STAB1: variants seen among roughly 807,000 people sequenced by gnomAD.
STAB1 encodes the protein stabilin-1.
Under a neutral mutation model 332.4 loss-of-function variants are expected in STAB1, and 250 were observed. That is an observed-to-expected ratio of 0.75 (90% CI 0.68 to 0.84). STAB1 has a LOEUF of 0.84. STAB1 is among the 40% of genes least tolerant of loss of function. The probability of loss-of-function intolerance (pLI) is 0.00; values close to 1 mark genes in which losing one functional copy is unlikely to be tolerated. For missense variants in STAB1, 3,249 were observed against 3,489.7 expected, an observed-to-expected ratio of 0.93 and a Z score of 1.74; for synonymous variants, 1,475 against 1,390.4, an observed-to-expected ratio of 1.06 and a Z score of -1.35.
chr3:52,518,904 C>A, intron 48 of STAB1, 35 bp downstream of exon 48: 1 of 1,423,506 alleles, frequency 7.0e-7, no homozygotes, highest in Non-Finnish European at 9.3e-7. Context: ...CGCTCCATCC[C>A]GCCCCGCCCC....
chr3:52,503,207 G>C (rs1708582146), intron 7 of STAB1, 98 bp downstream of exon 7: 1 of 1,494,328 alleles, frequency 6.7e-7, no homozygotes, highest in South Asian at 1.2e-5. Context: ...TTCACAAGGA[G>C]GGAGAGCCAT....
chr3:52,514,089 A>G, intron 32 of STAB1, 26 bp from the exon 33 acceptor site: 1 of 1,611,640 alleles, frequency 6.2e-7, no homozygotes, highest in Non-Finnish European at 8.5e-7. Flanking sequence ...TAATATGCCC[A>G]TCCCTGACCT....
At chr3:52,502,555 A>T in intron 5 of STAB1, 77 bp from the exon 6 acceptor site, 1 of 1,318,878 alleles carries the variant, frequency 7.6e-7, no homozygotes, top group Non-Finnish European at 1.1e-6. Flanking sequence ...CTAAAAATAC[A>T]GAGAGCAGGG....
chr3:52,517,212 G>T, intron 42 of STAB1, 103 bp downstream of exon 42: 2 of 1,501,836 alleles, frequency 1.3e-6, no homozygotes, highest in Non-Finnish European at 1.8e-6. Flanking sequence ...GGACTTGTGG[G>T]GACTGGGGGC....
chr3:52,499,075 C>A (rs1367653972), intron 1 of STAB1, among the ~76,000 whole-genome samples: 2 of 152,202 alleles, frequency 1.3e-5, no homozygotes, highest in Non-Finnish European at 1.5e-5. Context: ...GTAAATTATT[C>A]CAGGAAAGGG....
At position 52,521,819 on chromosome 3, in the gene STAB1, C is replaced by T. The variant is rs78719392; in HGVS notation, c.6164-25C>T. On this transcript the variant is annotated intron_variant, in intron 57 of 68. Transcript: ENST00000321725. ...CAGGAAGGCAACTACTAACCTGGTTCTGGGGGCTGGGCCCTGGGGGACAGA... is the reference window on the plus strand; with the variant it reads ...CAGGAAGGCAACTACTAACCTGGTTTTGGGGGCTGGGCCCTGGGGGACAGA... 4.8e-5 allele frequency: 77 copies of T among 1,592,770 alleles called. No individual in the cohort carries two copies. The East Asian group carries it at 1.6e-3, about 32-fold the overall frequency.
In STAB1 at chr3:52,501,205, A is replaced by C; in HGVS notation, c.118A>C (p.Thr40Pro). 6.2e-7 allele frequency: 1 copy of C among 1,613,492 alleles called. No homozygotes were observed. Among genetic ancestry groups the C allele is most frequent in the Non-Finnish European group, 8.5e-7 (1 of 1,179,870 alleles). The change falls in exon 2 of 69, where the codon ACT becomes CCT. Residue 40 changes from threonine to proline, a missense_variant. By Grantham distance (38) the Thr-to-Pro change is conservative. Coordinates refer to ENST00000321725, the MANE Select transcript of STAB1 (RefSeq NM_015136.3). ...CTGTGATGTGAAAACCACGTTTGTC[A>C]CTCATGTACCCTGCACCTCGTGCGC... ...KGCDVKTTFV[T>P]HVPCTSCAAI...
rs1707937389 is a variant in STAB1, at chr3:52,495,488, G to A, written c.75G>A (p.Gly25=). 4 of 1,339,900 alleles carry A rather than the reference G, an allele frequency of 3.0e-6. No homozygotes were observed. The highest frequency in any genetic ancestry group is 1.5e-5 in the African/African-American group (1 of 66,566). The allele number at this position is 1,339,900 out of a possible 1,614,324, so 83.0% of individuals were successfully genotyped here. A position where few individuals can be genotyped will look rare whatever the true frequency, so the allele number is the denominator to read the frequency against. The change falls in exon 1 of 69, where the codon GGG becomes GGA. Residue 25 remains glycine, a synonymous_variant. Transcript: ENST00000321725. The part of the protein sequence containing the change: ...FCLAGFSFVR[G]QVLFKGCDVK... ...TGGCAGGCTTCAGCTTCGTCAGGGG[G>A]CAGGTAAGTGTGAGCCAGTCGCAGG...
At chr3:52,518,149 C>A in intron 45 of STAB1, 146 bp downstream of exon 45, 3 of 1,483,298 alleles carry the variant, frequency 2.0e-6, no homozygotes, top group East Asian at 2.3e-5. Context: ...CTGGGCCTGA[C>A]CCCAGCTATG....
Position 52,518,929 on chromosome 3 carries a change from TTG to T in STAB1, c.5034+61_5034+62del. 2.6e-5 allele frequency: 10 copies of T among 379,148 alleles called. No individual in the cohort carries two copies. The African/African-American group carries it at 7.0e-4, about 27-fold the overall frequency. The allele number at this position is 379,148 out of a possible 1,614,324, so 23.5% of individuals were successfully genotyped here. ...CGCCCCGCCCCGCCCCTGCGCGCCA[TTG>T]CCCCAGGCCCCACGGCCCACGCAGT... On this transcript the variant is annotated intron_variant, in intron 48 of 68. Transcript: ENST00000321725.
chr3:52,496,798 G>A (rs1273760904), intron 1 of STAB1, among the ~76,000 whole-genome samples: 1 of 152,178 alleles, frequency 6.6e-6, no homozygotes, highest in African/African-American at 2.4e-5. Context: ...AGAGACCTAT[G>A]GCTCTGACCA....
Position 52,520,882 on chromosome 3 carries a change from G to A in STAB1, c.5785G>A (p.Val1929Ile), listed in dbSNP as rs373901466. The A allele has an allele frequency of 4.6e-5, 74 of 1,612,078 alleles. No homozygotes were observed. Among genetic ancestry groups the A allele is most frequent in the African/African-American group, 3.3e-4 (25 of 75,070 alleles). ...PPLHSLGLRS[V>I]WVHPSLWGRP... is the part of the protein sequence containing the mutation. ...GCTGCACTCTTTGGGATTACGCAGC[G>A]TCTGGGTCCACCCCAGCCTTTGGGG... Residue 1929 changes from valine to isoleucine, a missense_variant, in exon 55 of 69, where the codon GTC (valine) becomes ATC (isoleucine). Physicochemically the swap from Val to Ile is conservative, Grantham distance 29. Coordinates refer to ENST00000321725, the MANE Select transcript of STAB1 (RefSeq NM_015136.3).
In STAB1 at chr3:52,507,923, C is replaced by T. The variant is rs751723347; in HGVS notation, c.2053-8C>T. On this transcript the variant is annotated splice_polypyrimidine_tract_variant and splice_region_variant and intron_variant, in intron 19 of 68. Coordinates refer to ENST00000321725, the MANE Select transcript of STAB1 (RefSeq NM_015136.3). Reference sequence around the variant, plus strand: ...ACCCACTGACTGGCTTTGCATGGCCCACCCTAGGACATCTTCCCCAAGGAG... The same window carrying T: ...ACCCACTGACTGGCTTTGCATGGCCTACCCTAGGACATCTTCCCCAAGGAG... 2 of 1,611,872 alleles carry T rather than the reference C, an allele frequency of 1.2e-6. No homozygotes were observed. The highest frequency in any genetic ancestry group is 1.7e-5 in the Admixed American group (1 of 59,858).
At chr3:52,506,048 G>A in intron 16 of STAB1, 112 bp downstream of exon 16, 1 of 1,522,738 alleles carries the variant, frequency 6.6e-7, no homozygotes, top group South Asian at 1.2e-5. Flanking sequence ...CTTCTCATCT[G>A]TTCTGCTATA....
intron 10 of STAB1, 136 bp from the exon 11 acceptor site, chr3:52,504,325 G>T: frequency 7.3e-7 from 1 of 1,361,450 alleles, no homozygotes; most frequent in Non-Finnish European, 1.0e-6. Flanking sequence ...CCAACCTCAA[G>T]GCCCCCATCT....
At position 52,507,893 on chromosome 3, in the gene STAB1, C is replaced by T. The variant is rs759385904; in HGVS notation, c.2053-38C>T. On this transcript the variant is annotated intron_variant, in intron 19 of 68. Transcript: ENST00000321725. ...GCCTAGCAAAGGGGCTGGCCCAGAA[C>T]CCACACCCACTGACTGGCTTTGCAT... 1.9e-5 allele frequency: 31 copies of T among 1,592,924 alleles called. 1 individual carries two copies. In the South Asian group the frequency reaches 3.3e-4, roughly 17 times the overall value.
Position 52,501,274 on chromosome 3 carries a change from C to T in STAB1, c.187C>T (p.Leu63Phe). The T allele has an allele frequency of 6.2e-7, 1 of 1,613,530 alleles. No homozygotes were observed. The highest frequency in any genetic ancestry group is 8.5e-7 in the Non-Finnish European group (1 of 1,180,002). Residue 63 changes from leucine (L) to phenylalanine (F), a missense_variant, in exon 2 of 69, where the codon CTC (leucine) becomes TTC (phenylalanine). Physicochemically the swap from Leu to Phe is conservative, Grantham distance 22. Coordinates refer to ENST00000321725, the MANE Select transcript of STAB1 (RefSeq NM_015136.3). ...GTGTCCCTCAGGCTGGCTGCGGGAG[C>T]TCCCGGATCAGATAACCCAGGACTG... ...QTCPSGWLRE[L>F]PDQITQDCRY...
At position 52,517,883 on chromosome 3, in the gene STAB1, C is replaced by T. The variant is rs368854297; in HGVS notation, c.4641C>T (p.Asn1547=). 17 of 1,612,024 alleles carry T rather than the reference C, an allele frequency of 1.1e-5. No homozygotes were observed. The highest frequency in any genetic ancestry group is 1.4e-5 in the Non-Finnish European group (17 of 1,179,730). ...TCELLDPCSK[N]NGGCSPYATC... is the part of the protein sequence containing the mutation. ...TTCCTCTCCTGTCCCTGACTCAGAA[C>T]AATGGAGGATGCAGCCCATATGCCA... The change falls in exon 45 of 69, where the codon AAC becomes AAT. Residue 1547 remains asparagine (N), a splice_region_variant and synonymous_variant. Transcript: ENST00000321725.
rs1342581890 is a variant in STAB1, at chr3:52,501,633, C to T, written c.216-5C>T. 5 of 1,553,630 alleles carry T rather than the reference C, an allele frequency of 3.2e-6. No individual in the cohort carries two copies. In the South Asian group the frequency reaches 5.9e-5, roughly 18 times the overall value. On this transcript the variant is annotated splice_region_variant and splice_polypyrimidine_tract_variant and intron_variant, in intron 2 of 68. Transcript: ENST00000321725. ...TCCATCACCCTGCCCACCCTCTGCC[C>T]CCAGCTACGAAGTACAGCTGGGGGG...
Sources: allele counts gnomAD v4.1 joint callset (sites outside exome capture counted in the v4.1 genomes callset), GRCh38; gene constraint gnomAD v4.1.1; transcripts MANE v1.5; gene names NCBI Gene and HGNC (gene_info 2026-07-23, HGNC 2026-07-21).